Variants in FANCC observed in about 807,000 individuals in gnomAD.
The protein encoded by FANCC is Fanconi anemia group C protein.
In FANCC, 55 loss-of-function variants were observed where a neutral mutation model predicts 71.3. That is an observed-to-expected ratio of 0.77 (90% CI 0.62 to 0.97). The LOEUF is 0.97. Among genes scored for constraint, FANCC ranks in the 50% least tolerant of loss-of-function variants. The probability of loss-of-function intolerance (pLI) is 0.00; values close to 1 mark genes in which losing one functional copy is unlikely to be tolerated. For synonymous variants in FANCC, 275 were observed against 244.9 expected (o/e 1.12, Z -1.15); for missense variants, 678 against 670.9 (o/e 1.01, Z -0.12).
At chr9:95,190,121 C>A (rs1826991781) in intron 4 of FANCC, among the ~76,000 whole-genome samples, 1 of 152,110 alleles carries the variant, frequency 6.6e-6, no homozygotes, top group African/African-American at 2.4e-5. Flanking sequence ...ACTCACTCAT[C>A]TCACCACCAA....
At chr9:95,111,163 C>T (rs1472548228) in intron 13 of FANCC, 7 of 1,535,526 alleles carry the variant, frequency 4.6e-6, no homozygotes, top group Non-Finnish European at 6.1e-6. Context: ...GGACGCGACC[C>T]TGGGGCAGAT....
intron 1 of FANCC, among the ~76,000 whole-genome samples, chr9:95,306,904 C>T (rs905597209): frequency 7.9e-5 from 12 of 152,032 alleles, no homozygotes; most frequent in Admixed American, 2.0e-4. Context: ...CACAGGGTTT[C>T]GCTCTGTCAC....
In FANCC at chr9:95,273,797, G is replaced by A. The variant is rs115969340; in HGVS notation, c.-78-24428C>T. 1.4e-3 allele frequency among the ~76,000 whole-genome samples: 214 copies of A among 152,278 alleles called. 1 individual carries two copies. The highest frequency in any genetic ancestry group is 5.0e-3 in the African/African-American group (206 of 41,556). ...ACAGACCCTTTAGATAGTTTTCTAC[G>A]GGGTCAGTTGCTCATCCCACAAAGA... On this transcript the variant is annotated intron_variant, in intron 1 of 14. Coordinates refer to ENST00000289081, the MANE Select transcript of FANCC (RefSeq NM_000136.3).
At chr9:95,209,111 G>C (rs1050213972) in intron 4 of FANCC, among the ~76,000 whole-genome samples, 6 of 152,160 alleles carry the variant, frequency 3.9e-5, no homozygotes, top group Non-Finnish European at 7.3e-5. Flanking sequence ...ATTACTAAAT[G>C]AAAGAAGCCA....
intron 4 of FANCC, among the ~76,000 whole-genome samples, chr9:95,179,336 A>G (rs1317255751): frequency 6.6e-6 from 1 of 152,244 alleles, no homozygotes; most frequent in African/African-American, 2.4e-5. Flanking sequence ...ATTTAAAATA[A>G]TATTTCCAGG....
intron 4 of FANCC, among the ~76,000 whole-genome samples, chr9:95,236,848 G>A (rs949031236): frequency 2.0e-5 from 3 of 152,038 alleles, no homozygotes; most frequent in African/African-American, 7.2e-5. Context: ...ATTTTCACAA[G>A]GATATTGGAT....
At chr9:95,228,769 G>A (rs772807146) in intron 4 of FANCC, among the ~76,000 whole-genome samples, 4 of 152,138 alleles carry the variant, frequency 2.6e-5, no homozygotes, top group African/African-American at 4.8e-5. Flanking sequence ...TGTTGTTCTC[G>A]GAGAGGAGCA....
intron 1 of FANCC, among the ~76,000 whole-genome samples, chr9:95,271,850 A>C (rs1832741366): frequency 6.6e-6 from 1 of 150,496 alleles, no homozygotes. Context: ...CACGCCTTAA[A>C]AGTTTATCAC....
intron 4 of FANCC, among the ~76,000 whole-genome samples, chr9:95,230,948 GTGTTTA>G (rs1829974107): frequency 1.3e-5 from 2 of 151,856 alleles, no homozygotes; most frequent in Non-Finnish European, 3.0e-5. Flanking sequence ...GCTGATTGGT[GTGTTTA>G]CAATCCTTTA....
chr9:95,186,102 C>T (rs1233561448), intron 4 of FANCC, among the ~76,000 whole-genome samples: 1 of 152,206 alleles, frequency 6.6e-6, no homozygotes, highest in African/African-American at 2.4e-5. Flanking sequence ...GTTCACACCT[C>T]TGCCTCTCAA....
At position 95,101,818 on chromosome 9, in the gene FANCC, G is replaced by A; in HGVS notation, c.1566C>T (p.Ile522=). The change falls in exon 15 of 15, where the codon ATC becomes ATT. Residue 522 remains isoleucine, a synonymous_variant. Coordinates refer to ENST00000289081, the MANE Select transcript of FANCC (RefSeq NM_000136.3). The part of the protein sequence containing the change: ...MAHTAEITHE[I]IGFLDQTLYR... The stretch of plus-strand genomic sequence containing the variant: ...ACAAGGTCTGGTCAAGAAAGCCAAT[G>A]ATCTCGTGAGTTATCTCAGCAGTGT... The A allele has an allele frequency of 6.2e-7, 1 of 1,614,064 alleles. No homozygotes were observed. Among genetic ancestry groups the A allele is most frequent in the Non-Finnish European group, 8.5e-7 (1 of 1,180,008 alleles).
At chr9:95,107,025 CAG>C in intron 14 of FANCC, 39 bp downstream of exon 14, 1 of 1,603,938 alleles carries the variant, frequency 6.2e-7, no homozygotes, top group Non-Finnish European at 8.5e-7. Context: ...TCGCCTGGAG[CAG>C]AAATGAGTAC....
intron 1 of FANCC, among the ~76,000 whole-genome samples, chr9:95,272,711 AAAC>A (rs1374734429): frequency 9.2e-5 from 14 of 152,224 alleles, no homozygotes; most frequent in Middle Eastern, 3.4e-3. Context: ...AACAAAACCA[AAAC>A]AACAACAAAA....
At chr9:95,162,662 G>C (rs992188439) in intron 6 of FANCC, among the ~76,000 whole-genome samples, 1 of 152,170 alleles carries the variant, frequency 6.6e-6, no homozygotes, top group Non-Finnish European at 1.5e-5. Context: ...TCTAATAGGT[G>C]TGAACTGGTA....
At chr9:95,174,110 G>C (rs755389406) in intron 4 of FANCC, among the ~76,000 whole-genome samples, 8 of 152,146 alleles carry the variant, frequency 5.3e-5, no homozygotes, top group Non-Finnish European at 1.2e-4. Context: ...TCATTTATAA[G>C]AGCAAAACTT....
chr9:95,139,133 C>A (rs1212170582), intron 7 of FANCC, among the ~76,000 whole-genome samples: 2 of 152,208 alleles, frequency 1.3e-5, no homozygotes, highest in South Asian at 2.1e-4. Flanking sequence ...CTGAACCAGG[C>A]TGGCTTTAAA....
At chr9:95,126,433 T>C in intron 9 of FANCC, 96 bp downstream of exon 9, 1 of 1,209,644 alleles carries the variant, frequency 8.3e-7, no homozygotes, top group Non-Finnish European at 1.2e-6. Context: ...AATTTCCCCA[T>C]GATACAGCCA....
At chr9:95,187,053 G>A (rs1218093182) in intron 4 of FANCC, among the ~76,000 whole-genome samples, 2 of 152,138 alleles carry the variant, frequency 1.3e-5, no homozygotes, top group African/African-American at 4.8e-5. Context: ...GATTACAGGT[G>A]CGAGCCACCG....
intron 2 of FANCC, 39 bp from the exon 3 acceptor site, chr9:95,247,555 A>C: frequency 7.4e-7 from 1 of 1,346,700 alleles, no homozygotes; most frequent in South Asian, 1.2e-5. Context: ...TAAAGGCATT[A>C]TGCAACTTAG....
Sources: allele counts gnomAD v4.1 joint callset (sites outside exome capture counted in the v4.1 genomes callset), GRCh38; gene constraint gnomAD v4.1.1; transcripts MANE v1.5; gene names NCBI Gene and HGNC (gene_info 2026-07-23, HGNC 2026-07-21).